Variants in TMEM242 observed in about 807,000 individuals in gnomAD.
TMEM242 encodes the protein UPF0463 transmembrane protein C6orf35.
TMEM242 carries 10 observed loss-of-function variants against 18.2 expected under a neutral mutation model. The observed-to-expected ratio is 0.55, with a 90% CI of 0.34 to 0.93. TMEM242 has a LOEUF of 0.93. TMEM242 is among the 40% of genes least tolerant of loss of function. TMEM242 has a pLI of 0.02. For missense variants in TMEM242, 186 were observed against 175.5 expected, an observed-to-expected ratio of 1.06 and a Z score of -0.34; for synonymous variants, 57 against 69.9, an observed-to-expected ratio of 0.81 and a Z score of 0.92.
At chr6:157,310,962 G>T (rs1379210045) in intron 3 of TMEM242, among the ~76,000 whole-genome samples, 17 of 1,906 alleles carry the variant, frequency 8.9e-3, no homozygotes, top group South Asian at 0.053. Context: ...GCACTCACCT[G>T]GCCTCATCAT....
At chr6:157,313,981 TAG>T (rs1778319889) in intron 3 of TMEM242, among the ~76,000 whole-genome samples, 1 of 129,324 alleles carries the variant, frequency 7.7e-6, no homozygotes, top group African/African-American at 2.9e-5. Context: ...GGCCTCATCA[TAG>T]TGCCCCAGTG....
intron 2 of TMEM242, among the ~76,000 whole-genome samples, chr6:157,319,814 T>G (rs1554250611): frequency 6.6e-6 from 1 of 152,214 alleles, no homozygotes; most frequent in African/African-American, 2.4e-5. Flanking sequence ...ATTGTATCAT[T>G]TCTTCCCTAG....
chr6:157,311,327 G>T (rs144424664), intron 3 of TMEM242, among the ~76,000 whole-genome samples: 3 of 54,178 alleles, frequency 5.5e-5, no homozygotes, highest in East Asian at 4.9e-4. Flanking sequence ...TGTTCACCTA[G>T]CCTCATCATA....
chr6:157,322,821 G>A lies in TMEM242; in HGVS notation c.89-16C>T, dbSNP rs1283243609. 2 of 1,593,630 alleles carry A rather than the reference G, an allele frequency of 1.3e-6. No homozygotes were observed. Among genetic ancestry groups the A allele is most frequent in the South Asian group, 1.1e-5 (1 of 88,804 alleles). On this transcript the variant is annotated splice_polypyrimidine_tract_variant and intron_variant, in intron 1 of 3. Coordinates refer to ENST00000400788, the MANE Select transcript of TMEM242 (RefSeq NM_018452.6). Reference sequence around the variant, plus strand: ...AAAATTCCACCTGCCAAGAGTTTCGGGGAGGAGGGGGGATATTAAAAAAAA... The same window carrying A: ...AAAATTCCACCTGCCAAGAGTTTCGAGGAGGAGGGGGGATATTAAAAAAAA...
intron 1 of TMEM242, among the ~76,000 whole-genome samples, chr6:157,323,181 C>A (rs1360548696): frequency 6.6e-6 from 1 of 152,148 alleles, no homozygotes; most frequent in African/African-American, 2.4e-5. Flanking sequence ...AAATATGGCA[C>A]GCCCGGGAGA....
At chr6:157,314,254 G>C (rs1554250072) in intron 3 of TMEM242, among the ~76,000 whole-genome samples, 1 of 150,390 alleles carries the variant, frequency 6.6e-6, no homozygotes, top group South Asian at 2.1e-4. Flanking sequence ...TCATCATAGT[G>C]TCCCAGTGTG....
At chr6:157,307,734 C>T (rs1262748877) in intron 3 of TMEM242, among the ~76,000 whole-genome samples, 1 of 152,124 alleles carries the variant, frequency 6.6e-6, no homozygotes, top group Non-Finnish European at 1.5e-5. Context: ...AAAATGATTC[C>T]AGGAAAATAT....
intron 3 of TMEM242, among the ~76,000 whole-genome samples, chr6:157,297,255 T>A (rs1234483986): frequency 6.6e-6 from 1 of 152,246 alleles, no homozygotes; most frequent in African/African-American, 2.4e-5. Context: ...ATGTGCTTAC[T>A]GTGTATCCTG....
At chr6:157,320,633 G>C (rs1247116243) in intron 2 of TMEM242, among the ~76,000 whole-genome samples, 1 of 152,070 alleles carries the variant, frequency 6.6e-6, no homozygotes, top group Non-Finnish European at 1.5e-5. Flanking sequence ...ACCATGCCCA[G>C]CTAATTTTTG....
At chr6:157,303,350 A>C (rs1777856150) in intron 3 of TMEM242, among the ~76,000 whole-genome samples, 1 of 152,188 alleles carries the variant, frequency 6.6e-6, no homozygotes, top group Non-Finnish European at 1.5e-5. Flanking sequence ...GGGTAAGTAA[A>C]ATGGGTAGGT....
intron 3 of TMEM242, among the ~76,000 whole-genome samples, chr6:157,315,942 G>A (rs1778381362): frequency 1.3e-5 from 2 of 152,140 alleles, no homozygotes; most frequent in African/African-American, 2.4e-5. Context: ...TAATAATTAT[G>A]AATAAAAAAT....
intron 3 of TMEM242, among the ~76,000 whole-genome samples, chr6:157,311,372 G>C (rs1264725354): frequency 6.0e-5 from 6 of 100,360 alleles, no homozygotes; most frequent in African/African-American, 1.5e-4. Flanking sequence ...CCTCATCATA[G>C]TGTTCCAGTG....
chr6:157,308,336 G>T (rs1319091818), intron 3 of TMEM242, among the ~76,000 whole-genome samples: 1 of 152,086 alleles, frequency 6.6e-6, no homozygotes, highest in Admixed American at 6.6e-5. Flanking sequence ...TATTAGCTAA[G>T]GCCCTCCAGT....
chr6:157,319,678 T>C (rs1224247638), intron 2 of TMEM242, among the ~76,000 whole-genome samples: 2 of 152,224 alleles, frequency 1.3e-5, no homozygotes, highest in Admixed American at 6.5e-5. Context: ...AAAAGCAGTG[T>C]AGGCAGTCCC....
At chr6:157,311,318 G>GC (rs1778073482) in intron 3 of TMEM242, among the ~76,000 whole-genome samples, 5 of 12,544 alleles carry the variant, frequency 4.0e-4, no homozygotes, top group South Asian at 2.9e-3. Flanking sequence ...CCCAGTGTGT[G>GC]TTCACCTAGC....
intron 2 of TMEM242, among the ~76,000 whole-genome samples, chr6:157,321,493 C>T (rs1554250740): frequency 6.6e-6 from 1 of 152,060 alleles, no homozygotes; most frequent in African/African-American, 2.4e-5. Context: ...TGCCTTAGAC[C>T]AAGGTATCAG....
intron 3 of TMEM242, among the ~76,000 whole-genome samples, chr6:157,310,088 A>AG (rs1777976730): frequency 6.6e-6 from 1 of 152,344 alleles, no homozygotes; most frequent in East Asian, 1.9e-4. Context: ...TCTCCTTCTA[A>AG]GGGGAGGAAA....
At chr6:157,313,866 C>T (rs1583573137) in intron 3 of TMEM242, among the ~76,000 whole-genome samples, 3 of 113,736 alleles carry the variant, frequency 2.6e-5, no homozygotes, top group Admixed American at 8.8e-5. Context: ...TGTGCACTCC[C>T]CTAGCCTCAT....
chr6:157,311,251 C>T (rs587726661), intron 3 of TMEM242, among the ~76,000 whole-genome samples: 7 of 146,752 alleles, frequency 4.8e-5, no homozygotes, highest in African/African-American at 1.7e-4. Flanking sequence ...CCAGTGTGCG[C>T]TCACCTAGCC....
Sources: gnomAD v4.1 joint callset for allele counts (sites outside exome capture counted in the v4.1 genomes callset) on GRCh38, gnomAD v4.1.1 for gene constraint, MANE v1.5 for transcripts, NCBI Gene and HGNC (gene_info 2026-07-23, HGNC 2026-07-21) for gene names.